STAG1: variants seen among roughly 807,000 people sequenced by gnomAD.
STAG1 encodes the protein STAG1 cohesin complex component, also known as cohesin subunit SA-1.
Under a neutral mutation model 170.9 loss-of-function variants are expected in STAG1, and 26 were observed. The observed-to-expected ratio is 0.15, with a 90% confidence interval of 0.11 to 0.21. The LOEUF (loss-of-function observed/expected upper bound fraction) is 0.21, where lower values mean the gene tolerates loss of function less well. STAG1 is among the 10% of genes least tolerant of loss of function. The pLI is 1.00. For synonymous variants in STAG1, 514 were observed against 497.7 expected (o/e 1.03, Z -0.44); for missense variants, 964 against 1,509.5 (o/e 0.64, Z 5.99).
chr3:136,396,473 G>T (rs563931987), intron 22 of STAG1, among the ~76,000 whole-genome samples: 1 of 144,622 alleles, frequency 6.9e-6, no homozygotes, highest in Admixed American at 7.1e-5. Flanking sequence ...CGCCCACCTC[G>T]GCCTCCCAAA....
intron 1 of STAG1, among the ~76,000 whole-genome samples, chr3:136,738,109 G>A (rs996395342): frequency 2.6e-5 from 4 of 152,050 alleles, no homozygotes; most frequent in African/African-American, 9.7e-5. Context: ...ACTAAAAAAT[G>A]CTCAATTCAT....
intron 3 of STAG1, among the ~76,000 whole-genome samples, chr3:136,607,022 T>C (rs575386615): frequency 7.2e-5 from 11 of 152,274 alleles, no homozygotes; most frequent in Admixed American, 3.3e-4. Flanking sequence ...AGTGCTGGGA[T>C]TACAGGCTTG....
At chr3:136,710,502 C>T (rs868051300) in intron 1 of STAG1, among the ~76,000 whole-genome samples, 1 of 152,100 alleles carries the variant, frequency 6.6e-6, no homozygotes, top group South Asian at 2.1e-4. Flanking sequence ...TAAGCCTACC[C>T]GGTACTTTGC....
chr3:136,714,925 A>AAT (rs1290899528), intron 1 of STAG1, among the ~76,000 whole-genome samples: 2 of 108,332 alleles, frequency 1.8e-5, no homozygotes, highest in Admixed American at 1.1e-4. Context: ...AAAAAAAACA[A>AAT]ATATATATAT....
intron 7 of STAG1, among the ~76,000 whole-genome samples, chr3:136,505,090 G>T (rs1413233291): frequency 2.6e-5 from 4 of 152,122 alleles, no homozygotes; most frequent in Non-Finnish European, 5.9e-5. Flanking sequence ...GACATAAAAT[G>T]AGGATTATGA....
chr3:136,434,980 G>T (rs1703781828), intron 15 of STAG1, among the ~76,000 whole-genome samples: 1 of 152,042 alleles, frequency 6.6e-6, no homozygotes, highest in Non-Finnish European at 1.5e-5. Context: ...TAATTTAAAT[G>T]TCATTTTTAA....
At chr3:136,396,843 T>G (rs2108337857) in intron 22 of STAG1, among the ~76,000 whole-genome samples, 1 of 152,294 alleles carries the variant, frequency 6.6e-6, no homozygotes, top group East Asian at 1.9e-4. Context: ...AGTTTTAAAG[T>G]GGCTTTCATT....
At chr3:136,522,290 C>T (rs1054621692) in intron 6 of STAG1, among the ~76,000 whole-genome samples, 5 of 152,114 alleles carry the variant, frequency 3.3e-5, no homozygotes, top group African/African-American at 1.2e-4. Flanking sequence ...TACAGAACAC[C>T]AGATCCCAAG....
chr3:136,353,582 A>G (rs544337677), intron 28 of STAG1, among the ~76,000 whole-genome samples: 1 of 152,240 alleles, frequency 6.6e-6, no homozygotes, highest in East Asian at 1.9e-4. Context: ...TGTTGAAAGT[A>G]AAAAACTATC....
intron 7 of STAG1, among the ~76,000 whole-genome samples, chr3:136,509,662 A>C (rs1933948784): frequency 6.6e-6 from 1 of 152,222 alleles, no homozygotes; most frequent in Non-Finnish European, 1.5e-5. Flanking sequence ...TTAAAATCAC[A>C]ATTAAAAAAA....
intron 12 of STAG1, among the ~76,000 whole-genome samples, chr3:136,467,198 A>G (rs1478601342): frequency 6.6e-6 from 1 of 152,222 alleles, no homozygotes; most frequent in Non-Finnish European, 1.5e-5. Context: ...GCTCCAATTA[A>G]AAGACACAGA....
intron 5 of STAG1, among the ~76,000 whole-genome samples, chr3:136,560,719 A>G (rs1423676136): frequency 2.0e-5 from 3 of 152,200 alleles, no homozygotes; most frequent in Admixed American, 2.0e-4. Flanking sequence ...AAAAACAACT[A>G]TGGGTGCTAA....
intron 4 of STAG1, among the ~76,000 whole-genome samples, chr3:136,600,776 G>A (rs1938625656): frequency 6.6e-6 from 1 of 151,768 alleles, no homozygotes; most frequent in African/African-American, 2.4e-5. Context: ...CTTCTGATCT[G>A]CCCGCCTGGG....
At chr3:136,509,501 G>A (rs764782922) in intron 7 of STAG1, among the ~76,000 whole-genome samples, 4 of 151,974 alleles carry the variant, frequency 2.6e-5, no homozygotes, top group Admixed American at 1.3e-4. Context: ...GTTTTCCTAC[G>A]GAATATGAAA....
intron 4 of STAG1, among the ~76,000 whole-genome samples, chr3:136,574,189 C>T (rs566916432): frequency 1.4e-4 from 22 of 151,752 alleles, no homozygotes; most frequent in African/African-American, 5.3e-4. Context: ...TGCAGTGAGC[C>T]GAGATGGTGC....
chr3:136,634,386 A>G (rs1940466164), intron 1 of STAG1, among the ~76,000 whole-genome samples: 1 of 151,824 alleles, frequency 6.6e-6, no homozygotes, highest in South Asian at 2.1e-4. Context: ...AAAAAAAACC[A>G]GGGCACCATA....
intron 16 of STAG1, among the ~76,000 whole-genome samples, chr3:136,429,045 G>A (rs2088215693): frequency 1.3e-5 from 2 of 152,162 alleles, no homozygotes; most frequent in African/African-American, 4.8e-5. Context: ...GCTGAGGCAG[G>A]AGAATTACTT....
chr3:136,465,182 T>A (rs978873614), intron 12 of STAG1, among the ~76,000 whole-genome samples, 194 bp from the exon 13 acceptor site: 1 of 151,442 alleles, frequency 6.6e-6, no homozygotes, highest in Non-Finnish European at 1.5e-5. Context: ...AAATACAGAT[T>A]CAACGAGAAG....
intron 1 of STAG1, among the ~76,000 whole-genome samples, chr3:136,680,495 T>C (rs1004022716): frequency 1.1e-4 from 17 of 152,086 alleles, no homozygotes; most frequent in Non-Finnish European, 1.5e-4. Flanking sequence ...TACGTAATAC[T>C]ATTTACAAGA....
Sources: gnomAD v4.1 joint callset for allele counts (sites outside exome capture counted in the v4.1 genomes callset) on GRCh38, gnomAD v4.1.1 for gene constraint, MANE v1.5 for transcripts, NCBI Gene and HGNC (gene_info 2026-07-23, HGNC 2026-07-21) for gene names.